The following SNAP91 variants were observed in gnomAD, a reference collection of about 807,000 sequenced individuals.
SNAP91 encodes the protein clathrin coat assembly protein AP180.
SNAP91 carries 27 observed loss-of-function variants against 100.3 expected under a neutral mutation model. The ratio of observed to expected loss-of-function variants is 0.27; its 90% CI spans 0.20 to 0.37. The LOEUF (loss-of-function observed/expected upper bound fraction) is 0.37. Ranked by LOEUF, SNAP91 falls within the 10% of genes least tolerant of loss-of-function variation. The probability of loss-of-function intolerance (pLI) is 1.00; values close to 1 mark genes in which losing one functional copy is unlikely to be tolerated. For synonymous variants in SNAP91, 404 were observed against 398.6 expected (o/e 1.01, Z -0.16); for missense variants, 986 against 1,123.7 (o/e 0.88, Z 1.75).
chr6:83,708,260 A>C, intron 1 of SNAP91: 2 of 268,314 alleles, frequency 7.5e-6, no homozygotes, highest in Non-Finnish European at 1.4e-5. Context: ...CCCCCCTGTC[A>C]ATCAGCACTT....
rs1815978532 is a variant in SNAP91, at chr6:83,575,127, A to G, written c.2331-6T>C. 10 of 1,584,444 alleles carry G rather than the reference A, an allele frequency of 6.3e-6. No homozygotes were observed. Among genetic ancestry groups the G allele is most frequent in the African/African-American group, 1.3e-5 (1 of 74,522 alleles). ...CATTCCACTGAAGATCTCCCCTAAAATTAACCATGCAAAACAAGCAAACAA... is the reference window on the plus strand; with the variant it reads ...CATTCCACTGAAGATCTCCCCTAAAGTTAACCATGCAAAACAAGCAAACAA... On this transcript the variant is annotated splice_region_variant and splice_polypyrimidine_tract_variant and intron_variant, in intron 25 of 29. Transcript: ENST00000369694.
intron 2 of SNAP91, among the ~76,000 whole-genome samples, chr6:83,686,617 C>CTA (rs2099065174): frequency 6.6e-6 from 1 of 152,168 alleles, no homozygotes; most frequent in South Asian, 2.1e-4. Context: ...TTATCTAGTG[C>CTA]TTTAGGTGGC....
At chr6:83,670,536 T>C (rs546187669) in intron 2 of SNAP91, among the ~76,000 whole-genome samples, 98 of 151,956 alleles carry the variant, frequency 6.4e-4, no homozygotes, top group Non-Finnish European at 1.2e-3. Context: ...TTTTTAATTA[T>C]GATGAAGTCC....
At chr6:83,705,387 T>C (rs1167083887) in intron 2 of SNAP91, among the ~76,000 whole-genome samples, 1 of 152,200 alleles carries the variant, frequency 6.6e-6, no homozygotes, top group Non-Finnish European at 1.5e-5. Context: ...CAGAAAGCTA[T>C]GCAAGCAAGG....
intron 28 of SNAP91, among the ~76,000 whole-genome samples, chr6:83,556,971 A>G (rs1052968783): frequency 5.3e-5 from 8 of 152,214 alleles, no homozygotes; most frequent in South Asian, 2.1e-4. Context: ...CAATCTATTC[A>G]GCTCTCAGAG....
At chr6:83,701,041 G>C (rs779530319) in intron 2 of SNAP91, among the ~76,000 whole-genome samples, 1 of 152,152 alleles carries the variant, frequency 6.6e-6, no homozygotes, top group African/African-American at 2.4e-5. Context: ...GCCATTCAAA[G>C]ACATAGAATA....
intron 7 of SNAP91, among the ~76,000 whole-genome samples, chr6:83,644,297 T>C (rs958400844): frequency 1.3e-5 from 2 of 152,152 alleles, no homozygotes. Flanking sequence ...ACTCGATCAT[T>C]GTGGATTTAG....
intron 16 of SNAP91, among the ~76,000 whole-genome samples, chr6:83,596,303 T>A (rs1201138611): frequency 6.6e-6 from 1 of 151,974 alleles, no homozygotes; most frequent in Non-Finnish European, 1.5e-5. Context: ...AGGGATAGAG[T>A]AGGCCTACTT....
Position 83,575,006 on chromosome 6 carries a change from A to C in SNAP91, c.2442+4T>G. 3.8e-6 allele frequency: 6 copies of C among 1,575,862 alleles called. No homozygotes were observed. Among genetic ancestry groups the C allele is most frequent in the Non-Finnish European group, 5.2e-6 (6 of 1,155,706 alleles). ...CGCTGCCCTGGGCTCTGATTGCTAC[A>C]TACCAAAGGTGCACTTGGTGGAACG... On this transcript the variant is annotated splice_donor_region_variant and intron_variant, in intron 26 of 29. Coordinates refer to ENST00000369694, the MANE Select transcript of SNAP91 (RefSeq NM_001242792.2).
chr6:83,631,912 T>C (rs2128478481), intron 8 of SNAP91, among the ~76,000 whole-genome samples: 1 of 152,232 alleles, frequency 6.6e-6, no homozygotes, highest in Admixed American at 6.5e-5. Flanking sequence ...TTTTTGTTTT[T>C]GTTTTTAAAA....
chr6:83,558,163 C>A (rs1311083822), intron 28 of SNAP91, among the ~76,000 whole-genome samples: 1 of 151,964 alleles, frequency 6.6e-6, no homozygotes, highest in Non-Finnish European at 1.5e-5. Context: ...TTATTTATTT[C>A]TGAAGCTTTC....
chr6:83,600,822 G>T (rs2095108345), intron 16 of SNAP91, among the ~76,000 whole-genome samples: 1 of 152,188 alleles, frequency 6.6e-6, no homozygotes, highest in South Asian at 2.1e-4. Context: ...ATTACTCTTA[G>T]ATTATTTTTT....
At chr6:83,593,821 ACAC>A in intron 17 of SNAP91, 80 bp from the exon 18 acceptor site, 1 of 1,495,418 alleles carries the variant, frequency 6.7e-7, no homozygotes, top group East Asian at 2.3e-5. Context: ...ATGGCAAGAG[ACAC>A]CTTATACAGA....
chr6:83,570,348 T>A (rs1309552683), intron 26 of SNAP91, among the ~76,000 whole-genome samples: 8 of 152,052 alleles, frequency 5.3e-5, no homozygotes, highest in Admixed American at 5.2e-4. Flanking sequence ...AAACAGAGCA[T>A]AAAAGTTTGG....
intron 25 of SNAP91, chr6:83,575,744 T>C (rs544837780): frequency 3.7e-4 from 136 of 368,996 alleles, no homozygotes; most frequent in African/African-American, 1.8e-3. Flanking sequence ...GTAATGCTAT[T>C]AAAATATTCA....
chr6:83,663,005 T>C (rs2098589987), intron 3 of SNAP91, among the ~76,000 whole-genome samples: 1 of 152,144 alleles, frequency 6.6e-6, no homozygotes, highest in South Asian at 2.1e-4. Context: ...AACTTTTTCA[T>C]TATTATTATA....
At chr6:83,679,143 T>A (rs903191879) in intron 2 of SNAP91, among the ~76,000 whole-genome samples, 1 of 152,164 alleles carries the variant, frequency 6.6e-6, no homozygotes, top group South Asian at 2.1e-4. Context: ...TTAGGTATTA[T>A]AAGTAATCCA....
intron 13 of SNAP91, 58 bp from the exon 14 acceptor site, chr6:83,605,861 T>C (rs1286233486): frequency 7.4e-7 from 1 of 1,348,860 alleles, no homozygotes; most frequent in African/African-American, 1.5e-5. Flanking sequence ...ATAAAGGTGT[T>C]TTTGAATAAA....
chr6:83,556,315 A>G (rs1583588445), intron 28 of SNAP91, 70 bp from the exon 29 acceptor site: 1 of 93,856 alleles, frequency 1.1e-5, no homozygotes, highest in South Asian at 1.5e-4. Context: ...TGGGGGGAAG[A>G]GGGGGCAGGG....
Sources: gnomAD v4.1 joint callset for allele counts (sites outside exome capture counted in the v4.1 genomes callset) on GRCh38, gnomAD v4.1.1 for gene constraint, MANE v1.5 for transcripts, NCBI Gene and HGNC (gene_info 2026-07-23, HGNC 2026-07-21) for gene names.